The following DTWD1 variants were observed in gnomAD, a reference collection of about 807,000 sequenced individuals.
The protein encoded by DTWD1 is DTW motif tRNA-uridine aminocarboxypropyltransferase 1.
A neutral mutation model predicts 30.2 loss-of-function variants in DTWD1; 27 were observed. The ratio of observed to expected loss-of-function variants is 0.90; its 90% CI spans 0.66 to 1.23. The LOEUF (loss-of-function observed/expected upper bound fraction) is 1.23. DTWD1 is among the 50% of genes most tolerant of loss of function. The probability of loss-of-function intolerance (pLI) is 0.00; values close to 1 mark genes in which losing one functional copy is unlikely to be tolerated. For missense variants in DTWD1, 342 were observed against 348.8 expected (o/e 0.98, Z 0.15); for synonymous variants, 99 against 113.1 (o/e 0.88, Z 0.79).
intron 2 of DTWD1, among the ~76,000 whole-genome samples, chr15:49,626,474 C>T (rs1197163880): frequency 2.0e-5 from 3 of 152,062 alleles, no homozygotes; most frequent in East Asian, 1.9e-4. Context: ...GTCTGTAGAA[C>T]GTCATGTCTA....
chr15:49,654,857 A>C lies in DTWD1; in HGVS notation c.*11279A>C, dbSNP rs1366680205. 6.6e-6 allele frequency: 1 copy of C among 152,068 alleles called. No individual in the cohort carries two copies. Among genetic ancestry groups the C allele is most frequent in the African/African-American group, 2.4e-5 (1 of 41,432 alleles). The allele number at this position is 152,068 out of a possible 1,614,324, so 9.4% of individuals were successfully genotyped here. A position where few individuals can be genotyped will look rare whatever the true frequency, so the allele number is the denominator to read the frequency against. ...TTATATCTTACATTTCTGGAGACTGAAAATATGGAAATCCAAGATCAGAGT... is the reference window on the plus strand; with the variant it reads ...TTATATCTTACATTTCTGGAGACTGCAAATATGGAAATCCAAGATCAGAGT... On this transcript the variant is annotated 3_prime_UTR_variant, in exon 5 of 5. Transcript: ENST00000403028.
chr15:49,637,270 T>G (rs1241164844), intron 4 of DTWD1, among the ~76,000 whole-genome samples: 1 of 152,150 alleles, frequency 6.6e-6, no homozygotes, highest in Non-Finnish European at 1.5e-5. Context: ...GATAATAATC[T>G]TTTTGATGCT....
Position 49,651,878 on chromosome 15 carries a change from C to T in DTWD1, c.*8300C>T, listed in dbSNP as rs2079154222. The T allele has an allele frequency of 6.6e-6, 1 of 152,024 alleles. No homozygotes were observed. The highest frequency in any genetic ancestry group is 2.1e-4 in the South Asian group (1 of 4,824). The allele number at this position is 152,024 out of a possible 1,614,324, so 9.4% of individuals were successfully genotyped here. A position where few individuals can be genotyped will look rare whatever the true frequency, so the allele number is the denominator to read the frequency against. On this transcript the variant is annotated 3_prime_UTR_variant, in exon 5 of 5. Coordinates refer to ENST00000403028, the MANE Select transcript of DTWD1 (RefSeq NM_001144955.2). ...TCCACTAATAATATCACTTTTTTCA[C>T]CACTTGGAATTTGTCAGCTTGATAG...
chr15:49,621,211 G>C (rs1263206872), intron 1 of DTWD1, 89 bp downstream of exon 1: 1 of 152,268 alleles, frequency 6.6e-6, no homozygotes, highest in Non-Finnish European at 1.5e-5. Context: ...CGCGGGAAGT[G>C]GACATTCTTT....
In DTWD1 at chr15:49,625,141, GC is replaced by G; in HGVS notation, c.-25del. On this transcript the variant is annotated 5_prime_UTR_variant, in exon 2 of 5. An upstream open reading frame in the 5' UTR loses its in-frame stop. Transcript: ENST00000403028. Reference sequence around the variant, plus strand: ...ACCTATGATATGTGTTTTAGAAATAGCCGTTAAACTTTGGTTTGAATGAAGA... The same window carrying G: ...ACCTATGATATGTGTTTTAGAAATAGCGTTAAACTTTGGTTTGAATGAAGA... 1.2e-6 allele frequency: 2 copies of G among 1,603,284 alleles called. No homozygotes were observed. Among genetic ancestry groups the G allele is most frequent in the Non-Finnish European group, 1.7e-6 (2 of 1,173,488 alleles).
intron 4 of DTWD1, among the ~76,000 whole-genome samples, chr15:49,637,350 G>C (rs2079015040): frequency 6.6e-6 from 1 of 151,970 alleles, no homozygotes; most frequent in South Asian, 2.1e-4. Context: ...TTGTCTTTTT[G>C]GTGCAACAGG....
Position 49,655,460 on chromosome 15 carries a change from A to G in DTWD1, c.*11882A>G, listed in dbSNP as rs769570550. On this transcript the variant is annotated 3_prime_UTR_variant, in exon 5 of 5. Transcript: ENST00000403028. ...CATACTCCCGTGTTTTTTTTAGTCC[A>G]TGCTGGTGGTATCCTCATCAATGCA... The G allele has an allele frequency of 1.2e-4, 18 of 151,766 alleles. No homozygotes were observed. The highest frequency in any genetic ancestry group is 2.4e-4 in the Non-Finnish European group (16 of 67,912). 9.4% of individuals were successfully genotyped at this position (151,766 alleles called of 1,614,324 possible).
rs1414734808 is a variant in DTWD1 at position 49,627,621 on chromosome 15, A to G, written c.264+2190A>G. 2.0e-5 allele frequency among the ~76,000 whole-genome samples: 3 copies of G among 152,212 alleles called. No individual in the cohort carries two copies. The East Asian group carries it at 5.8e-4, about 29-fold the overall frequency. ...GGGCAATACCTATTGCTCCTAGCCT[A>G]CAAAATCTGTACAGCATGTTATTGT... is the stretch of plus-strand genomic sequence containing the variant. On this transcript the variant is annotated intron_variant, in intron 2 of 4. Transcript: ENST00000403028.
chr15:49,632,341 T>C, intron 3 of DTWD1, 39 bp downstream of exon 3: 1 of 1,552,250 alleles, frequency 6.4e-7, no homozygotes, highest in South Asian at 1.2e-5. Context: ...ACATTGGATA[T>C]AAAAATGAAT....
intron 4 of DTWD1, among the ~76,000 whole-genome samples, chr15:49,638,548 GAATA>G (rs1277150167): frequency 6.6e-6 from 1 of 152,122 alleles, no homozygotes; most frequent in African/African-American, 2.4e-5. Context: ...ACTGATTTCT[GAATA>G]AACCGAGTTA....
At chr15:49,629,630 T>G (rs1811820214) in intron 2 of DTWD1, 2 of 152,166 alleles carry the variant, frequency 1.3e-5, no homozygotes, top group South Asian at 4.1e-4. Flanking sequence ...AGAGGGAAGG[T>G]AGTTTCAACT....
At chr15:49,637,872 G>A (rs1453083649) in intron 4 of DTWD1, among the ~76,000 whole-genome samples, 1 of 152,166 alleles carries the variant, frequency 6.6e-6, no homozygotes, top group Non-Finnish European at 1.5e-5. Context: ...TATAGTTTAT[G>A]CATCTGAGAT....
chr15:49,641,049 T>G (rs532314972), intron 4 of DTWD1, among the ~76,000 whole-genome samples: 6 of 152,084 alleles, frequency 3.9e-5, no homozygotes, highest in African/African-American at 1.4e-4. Flanking sequence ...TTGTTCTTTA[T>G]TACTATGTTA....
chr15:49,642,463 C>T (rs1293434005), intron 4 of DTWD1, among the ~76,000 whole-genome samples: 2 of 152,074 alleles, frequency 1.3e-5, no homozygotes, highest in Admixed American at 1.3e-4. Context: ...ATACATGTGA[C>T]AGAGCTAAAA....
intron 1 of DTWD1, among the ~76,000 whole-genome samples, chr15:49,623,237 T>C (rs1270335206): frequency 6.6e-6 from 1 of 152,198 alleles, no homozygotes; most frequent in African/African-American, 2.4e-5. Context: ...TTTTTTAGGA[T>C]GAATCCCATC....
Position 49,654,270 on chromosome 15 carries a change from T to A in DTWD1, c.*10692T>A, listed in dbSNP as rs1287307568. 2 of 152,120 alleles carry A rather than the reference T, an allele frequency of 1.3e-5. No homozygotes were observed. Among genetic ancestry groups the A allele is most frequent in the African/African-American group, 4.8e-5 (2 of 41,448 alleles). The allele number at this position is 152,120 out of a possible 1,614,324, so 9.4% of individuals were successfully genotyped here. ...GGTACAGAGTAAGTACATTTTTGCATGTTAGTGAGACAAGAACTGTGGCCG... is the reference window on the plus strand; with the variant it reads ...GGTACAGAGTAAGTACATTTTTGCAAGTTAGTGAGACAAGAACTGTGGCCG... On this transcript the variant is annotated 3_prime_UTR_variant, in exon 5 of 5. Transcript: ENST00000403028.
At chr15:49,632,444 A>G (rs1404824788) in intron 3 of DTWD1, 142 bp downstream of exon 3, 5 of 769,512 alleles carry the variant, frequency 6.5e-6, no homozygotes, top group Non-Finnish European at 9.8e-6. Context: ...GACAATATAC[A>G]GTTTATTTCA....
intron 2 of DTWD1, among the ~76,000 whole-genome samples, chr15:49,625,831 T>G (rs905877384): frequency 4.6e-5 from 7 of 152,098 alleles, no homozygotes; most frequent in African/African-American, 1.7e-4. Context: ...CTGTCCACTA[T>G]AGTATAAGGC....
At position 49,655,217 on chromosome 15, in the gene DTWD1, G is replaced by A. The variant is rs1289461480; in HGVS notation, c.*11639G>A. The A allele has an allele frequency of 1.3e-5, 2 of 151,976 alleles. No individual in the cohort carries two copies. The highest frequency in any genetic ancestry group is 4.8e-5 in the African/African-American group (2 of 41,392). The allele number at this position is 151,976 out of a possible 1,614,324, so 9.4% of individuals were successfully genotyped here. On this transcript the variant is annotated 3_prime_UTR_variant, in exon 5 of 5. Transcript: ENST00000403028. ...GCATGCAACCACATAAGTGACCCTG[G>A]GTAACACCATCTGGAGCTGAAGAAC...
Sources: gnomAD v4.1 joint callset for allele counts (sites outside exome capture counted in the v4.1 genomes callset) on GRCh38, gnomAD v4.1.1 for gene constraint, MANE v1.5 for transcripts, NCBI Gene and HGNC (gene_info 2026-07-23, HGNC 2026-07-21) for gene names.